Variants in ACD observed in about 807,000 individuals in gnomAD.
ACD encodes the protein adrenocortical dysplasia protein homolog.
A neutral mutation model predicts 53.9 loss-of-function variants in ACD; 39 were observed. That is an observed-to-expected ratio of 0.72 (90% CI 0.56 to 0.95). The LOEUF (loss-of-function observed/expected upper bound fraction) is 0.95, where lower values mean the gene tolerates loss of function less well. ACD is among the 40% of genes least tolerant of loss of function. The probability of loss-of-function intolerance (pLI) is 0.00; values close to 1 mark genes in which losing one functional copy is unlikely to be tolerated. For synonymous variants in ACD, 273 were observed against 249.2 expected (o/e 1.10, Z -0.90); for missense variants, 526 against 587.9 (o/e 0.89, Z 1.09).
At position 67,658,729 on chromosome 16, in the gene ACD, T is replaced by C. The variant is rs1466387773; in HGVS notation, c.733A>G (p.Arg245Gly). 1.6e-5 allele frequency: 25 copies of C among 1,611,998 alleles called. No homozygotes were observed. The highest frequency in any genetic ancestry group is 2.0e-5 in the Non-Finnish European group (24 of 1,178,760). Residue 245 changes from arginine to glycine, a missense_variant, in exon 8 of 12, where the codon AGG becomes GGG. Coordinates refer to ENST00000620761, the MANE Select transcript of ACD (RefSeq NM_001082486.2). Reference protein sequence around the residue: ...LILSSLGPCQRTQGPELPPPD... With the variant: ...LILSSLGPCQGTQGPELPPPD... ...CTCCAGTCCCCCTTACCCTGTGTCC[T>C]CTGACAGGGGCCTAGAGAGCTCAGA...
rs1319055529 is a variant in ACD, at chr16:67,659,382, AG to A, written c.450del (p.Cys151AlafsTer43). 6.2e-7 allele frequency: 1 copy of A among 1,614,084 alleles called. No individual in the cohort carries two copies. The highest frequency in any genetic ancestry group is 1.7e-5 in the Admixed American group (1 of 60,030). Reference sequence around the variant, plus strand: ...GCCCAACCCCAGACTCACTCAAGGCAGTCATAGAGCTTTTTCTGAACATCTA... The same window carrying A: ...GCCCAACCCCAGACTCACTCAAGGCATCATAGAGCTTTTTCTGAACATCTA... ...QDLDVQKKLYDCLEEHLSEST... is the reference protein window; with the variant it reads ...QDLDVQKKLYXCLEEHLSEST... On this transcript the variant is annotated frameshift_variant, in exon 5 of 12. Coordinates refer to ENST00000620761, the MANE Select transcript of ACD (RefSeq NM_001082486.2). LOFTEE classifies it high-confidence loss of function.
In ACD at chr16:67,658,701, C is replaced by T; in HGVS notation, c.742+19G>A. On this transcript the variant is annotated intron_variant, in intron 8 of 11. Coordinates refer to ENST00000620761, the MANE Select transcript of ACD (RefSeq NM_001082486.2). ...ACCTGGGCCCCAGGTATCCCCCCAA[C>T]CTCTCCAGTCCCCCTTACCCTGTGT... The T allele has an allele frequency of 3.7e-6, 6 of 1,600,034 alleles. No homozygotes were observed. The highest frequency in any genetic ancestry group is 5.1e-6 in the Non-Finnish European group (6 of 1,171,346).
chr16:67,659,175 G>T (rs1289966444), intron 6 of ACD, 54 bp downstream of exon 6: 33 of 1,613,186 alleles, frequency 2.0e-5, no homozygotes, highest in Non-Finnish European at 2.6e-5. Flanking sequence ...TAAGGTTAAG[G>T]CTGGAGAGAT....
At chr16:67,658,524 G>GT (rs1401654522) in intron 9 of ACD, 31 bp downstream of exon 9, 1 of 1,568,486 alleles carries the variant, frequency 6.4e-7, no homozygotes, top group East Asian at 2.2e-5. Context: ...ACAGGCGGCA[G>GT]TGAGTGCCTG....
chr16:67,660,050 C>G lies in ACD; in HGVS notation c.100-5G>C, dbSNP rs1250916977. The G allele has an allele frequency of 1.2e-6, 2 of 1,607,564 alleles. No homozygotes were observed. Among genetic ancestry groups the G allele is most frequent in the South Asian group, 1.1e-5 (1 of 90,814 alleles). ...GGCCTCGGCGTCCTGTAGTACCTGA[C>G]GGCGGCGAGCGGCGTCAATCCCACC... On this transcript the variant is annotated splice_region_variant and splice_polypyrimidine_tract_variant and intron_variant, in intron 1 of 11. Transcript: ENST00000620761.
At chr16:67,658,674 G>A in intron 8 of ACD, 33 bp from the exon 9 acceptor site, 1 of 1,591,726 alleles carries the variant, frequency 6.3e-7, no homozygotes, top group Non-Finnish European at 8.6e-7. Context: ...TCAGCACTGT[G>A]GACCTGGGCC....
At position 67,657,529 on chromosome 16, in the gene ACD, T is replaced by C. The variant is rs2142965063; in HGVS notation, c.*77A>G. The C allele has an allele frequency of 6.2e-7, 1 of 1,613,576 alleles. No homozygotes were observed. The highest frequency in any genetic ancestry group is 2.2e-5 in the East Asian group (1 of 44,874). On this transcript the variant is annotated 3_prime_UTR_variant, in exon 12 of 12. Transcript: ENST00000620761. The surrounding 1 kb of genome is among the most constrained non-coding windows in gnomAD (Gnocchi z 4.5). ...GGCCCCAATCCCTGATCCTCTCCTC[T>C]CCTGCCGCATGAGATTATTTTATTA...
chr16:67,658,175 G>C lies in ACD; in HGVS notation c.1017C>G (p.Ser339=). The change falls in exon 10 of 12, where the codon TCC becomes TCG. Residue 339 remains serine, a synonymous_variant. Coordinates refer to ENST00000620761, the MANE Select transcript of ACD (RefSeq NM_001082486.2). ...GACTGGGAGTGCAGCTCTGGAGTGG[G>C]GAGCTGGGGGTACGGCTGGCGTGTG... ...RSPHASRTPS[S]PLQSCTPSLS... 1.2e-6 allele frequency: 2 copies of C among 1,610,706 alleles called. No individual in the cohort carries two copies. Among genetic ancestry groups the C allele is most frequent in the Non-Finnish European group, 1.7e-6 (2 of 1,178,086 alleles).
chr16:67,659,143 A>G, intron 6 of ACD, 64 bp from the exon 7 acceptor site: 2 of 1,608,618 alleles, frequency 1.2e-6, no homozygotes, highest in Non-Finnish European at 8.5e-7. Context: ...GGTGAGGGGG[A>G]AGACAGCTTA....
rs2052978369 is a variant in ACD, at chr16:67,660,210, G to A, written c.11C>T (p.Ser4Leu). Reference protein sequence around the residue: MAGSGRLVLRPWIR... With the variant: MAGLGRLVLRPWIR... ...CCAGGGCCGTAGGACCAGCCTCCCC[G>A]AACCTGCCATCCCCACGGCTACACC... is the stretch of plus-strand genomic sequence containing the variant. The change falls in exon 1 of 12, where the codon TCG (serine) becomes TTG (leucine). Residue 4 changes from serine (S) to leucine (L), a missense_variant. Transcript: ENST00000620761. 1 of 1,612,652 alleles carries A rather than the reference G, an allele frequency of 6.2e-7. No individual in the cohort carries two copies. The highest frequency in any genetic ancestry group is 8.5e-7 in the Non-Finnish European group (1 of 1,179,900).
chr16:67,659,322 C>G, intron 5 of ACD, 53 bp downstream of exon 5: 8 of 1,614,088 alleles, frequency 5.0e-6, no homozygotes, highest in East Asian at 2.2e-5. Context: ...TACCTAGATA[C>G]ACCATCCCCT....
intron 6 of ACD, 57 bp from the exon 7 acceptor site, chr16:67,659,136 G>A (rs2052941961): frequency 2.5e-6 from 4 of 1,608,614 alleles, no homozygotes; most frequent in Non-Finnish European, 3.4e-6. Context: ...CCAGGAGGGT[G>A]AGGGGGAAGA....
chr16:67,658,150 G>T lies in ACD; in HGVS notation c.1042C>A (p.Leu348Ile). ...CTGGGGACATGGCTACGGGGTGAGA[G>T]ACTGGGAGTGCAGCTCTGGAGTGGG... is the stretch of plus-strand genomic sequence containing the variant. Reference protein sequence around the residue: ...SSPLQSCTPSLSPRSHVPSPH... With the variant: ...SSPLQSCTPSISPRSHVPSPH... Residue 348 changes from leucine to isoleucine, a missense_variant, in exon 10 of 12, where the codon CTC (leucine) becomes ATC (isoleucine). Coordinates refer to ENST00000620761, the MANE Select transcript of ACD (RefSeq NM_001082486.2). The T allele has an allele frequency of 6.2e-7, 1 of 1,605,384 alleles. No homozygotes were observed. Among genetic ancestry groups the T allele is most frequent in the Non-Finnish European group, 8.5e-7 (1 of 1,175,010 alleles).
rs558828025 is a variant in ACD, at chr16:67,659,158, G to A, written c.493+71C>T. 39 of 1,609,576 alleles carry A rather than the reference G, an allele frequency of 2.4e-5. No individual in the cohort carries two copies. The African/African-American group carries it at 4.5e-4, about 19-fold the overall frequency. On this transcript the variant is annotated intron_variant, in intron 6 of 11. Transcript: ENST00000620761. ...GGTGAGGGGGAAGACAGCTTATTGA[G>A]GAAGCATAAGGTTAAGGCTGGAGAG...
chr16:67,657,863 G>A lies in ACD; in HGVS notation c.1207-10C>T, dbSNP rs67185288. The A allele has an allele frequency of 9.5e-4, 1,526 of 1,613,978 alleles. 13 individuals carry two copies. The African/African-American group carries it at 0.018, about 19-fold the overall frequency. On this transcript the variant is annotated splice_polypyrimidine_tract_variant and intron_variant, in intron 10 of 11. Coordinates refer to ENST00000620761, the MANE Select transcript of ACD (RefSeq NM_001082486.2). The surrounding 1 kb of genome is among the most constrained non-coding windows in gnomAD (Gnocchi z 4.5). ...GCCTCTTTGGGGGTTCCTGAAAGGGGTATGGTGTCTGGGGAAGAGCTAACA... is the reference window on the plus strand; with the variant it reads ...GCCTCTTTGGGGGTTCCTGAAAGGGATATGGTGTCTGGGGAAGAGCTAACA...
chr16:67,659,075 T>A lies in ACD; in HGVS notation c.498A>T (p.Leu166=). ...TTTCATCCAGAAGCTGGGACAGTGA[T>A]AGGCCTGGGGACAGGGGACCATGGG... ...LSESTSSNAG[L]SLSQLLDEMR... Residue 166 remains leucine, a synonymous_variant, in exon 7 of 12, where the codon CTA becomes CTT. Transcript: ENST00000620761. 6.2e-7 allele frequency: 1 copy of A among 1,613,850 alleles called. No individual in the cohort carries two copies.
At position 67,657,911 on chromosome 16, in the gene ACD, C is replaced by T. The variant is rs555308287; in HGVS notation, c.1207-58G>A. On this transcript the variant is annotated intron_variant, in intron 10 of 11. Coordinates refer to ENST00000620761, the MANE Select transcript of ACD (RefSeq NM_001082486.2). This position sits in a 1 kb window ranked among gnomAD's most constrained non-coding sequence, Gnocchi z 4.5. ...ACAAGGACCCCAACCCCATCCAAGG[C>T]TACCCATGCTCCCTCCCAGCTCTAC... The T allele has an allele frequency of 6.2e-7, 1 of 1,612,284 alleles. No individual in the cohort carries two copies. Among genetic ancestry groups the T allele is most frequent in the African/African-American group, 1.3e-5 (1 of 75,012 alleles).
chr16:67,657,698 A>C lies in ACD; in HGVS notation c.1299-14T>G, dbSNP rs1413270785. On this transcript the variant is annotated splice_polypyrimidine_tract_variant and intron_variant, in intron 11 of 11. Transcript: ENST00000620761. The surrounding 1 kb of genome is among the most constrained non-coding windows in gnomAD (Gnocchi z 4.5). ...TGGGGAGGAAGCCTGGAAAGAAACCACCGCTGCAGGTCAATGGAGCCTGGG... is the reference window on the plus strand; with the variant it reads ...TGGGGAGGAAGCCTGGAAAGAAACCCCCGCTGCAGGTCAATGGAGCCTGGG... The C allele has an allele frequency of 1.2e-6, 2 of 1,614,048 alleles. No homozygotes were observed. The highest frequency in any genetic ancestry group is 4.5e-5 in the East Asian group (2 of 44,880).
chr16:67,659,815 C>T lies in ACD; in HGVS notation c.243-20G>A, dbSNP rs1173724503. 2 of 1,596,340 alleles carry T rather than the reference C, an allele frequency of 1.3e-6. No individual in the cohort carries two copies. The highest frequency in any genetic ancestry group is 1.7e-6 in the Non-Finnish European group (2 of 1,168,676). On this transcript the variant is annotated intron_variant, in intron 2 of 11. Coordinates refer to ENST00000620761, the MANE Select transcript of ACD (RefSeq NM_001082486.2). The stretch of plus-strand genomic sequence containing the variant: ...TCCTCCCTGCAACAAGCAGGATCCT[C>T]ACTGCCGGGCCCACCTGAACACAAG...
Sources: gnomAD v4.1 joint callset for allele counts on GRCh38, gnomAD v4.1.1 for gene constraint, Gnocchi (gnomAD v3.1) non-coding constraint, MANE v1.5 for transcripts, NCBI Gene and HGNC (gene_info 2026-07-23, HGNC 2026-07-21) for gene names.